PRLR: variants seen among roughly 807,000 people sequenced by gnomAD.
The protein encoded by PRLR is hPRL receptor.
In PRLR, 13 loss-of-function variants were observed where a neutral mutation model predicts 40.2. The ratio of observed to expected loss-of-function variants is 0.32; its 90% CI spans 0.21 to 0.51. PRLR has a LOEUF of 0.51. Among genes scored for constraint, PRLR ranks in the 20% least tolerant of loss-of-function variants. PRLR has a pLI of 0.97. For missense variants in PRLR, 656 were observed against 747.3 expected, an observed-to-expected ratio of 0.88 and a Z score of 1.42; for synonymous variants, 269 against 278.7, an observed-to-expected ratio of 0.97 and a Z score of 0.35.
intron 5 of PRLR, among the ~76,000 whole-genome samples, chr5:35,076,912 T>A (rs2112423420): frequency 6.6e-6 from 1 of 152,252 alleles, no homozygotes; most frequent in South Asian, 2.1e-4. Flanking sequence ...AAGAAAAGAA[T>A]TTTCAACCCA....
intron 2 of PRLR, among the ~76,000 whole-genome samples, chr5:35,097,311 C>A (rs1771592209): frequency 6.6e-6 from 1 of 152,146 alleles, no homozygotes; most frequent in Non-Finnish European, 1.5e-5. Flanking sequence ...CCACTGCATG[C>A]CAGGCACTGT....
chr5:35,128,488 A>G (rs1773544258), intron 1 of PRLR, among the ~76,000 whole-genome samples: 1 of 151,858 alleles, frequency 6.6e-6, no homozygotes, highest in Non-Finnish European at 1.5e-5. Flanking sequence ...ATATTGTTTT[A>G]CATTTTGTAT....
intron 8 of PRLR, among the ~76,000 whole-genome samples, chr5:35,049,774 A>AT (rs1389932273): frequency 6.6e-6 from 1 of 151,756 alleles, no homozygotes. Context: ...TTGACTAATT[A>AT]TTTTTTTCTT....
chr5:35,102,684 A>G (rs1771976370), intron 2 of PRLR, among the ~76,000 whole-genome samples: 1 of 152,052 alleles, frequency 6.6e-6, no homozygotes, highest in African/African-American at 2.4e-5. Context: ...CTGGGACTAC[A>G]GGCACACACT....
At position 35,064,885 on chromosome 5, in the gene PRLR, A is replaced by G. The variant is rs914005719; in HGVS notation, c.*204T>C. ...TTTTATAACTAACAGCAAAAAGTAA[A>G]TCTACAAATCACAGTTAGGAAACAT... is the stretch of plus-strand genomic sequence containing the variant. On this transcript the variant is annotated 3_prime_UTR_variant, in exon 10 of 10. Coordinates refer to ENST00000618457, the MANE Select transcript of PRLR (RefSeq NM_000949.7). 1.8e-5 allele frequency: 11 copies of G among 605,624 alleles called. No individual in the cohort carries two copies. The highest frequency in any genetic ancestry group is 2.8e-5 in the Non-Finnish European group (10 of 356,490). The allele number at this position is 605,624 out of a possible 1,614,324, so 37.5% of individuals were successfully genotyped here.
chr5:35,187,916 G>A (rs749291010), intron 1 of PRLR, among the ~76,000 whole-genome samples: 3 of 152,130 alleles, frequency 2.0e-5, no homozygotes, highest in Non-Finnish European at 4.4e-5. Flanking sequence ...GAGGTGAGTC[G>A]GTCAGCGGCA....
chr5:35,116,404 A>C (rs1194517775), intron 2 of PRLR, among the ~76,000 whole-genome samples: 2 of 152,220 alleles, frequency 1.3e-5, no homozygotes, highest in Non-Finnish European at 2.9e-5. Context: ...AGTGAAGTGG[A>C]GAATATGTCT....
At chr5:35,066,991 C>A (rs1454270343) in intron 9 of PRLR, among the ~76,000 whole-genome samples, 3 of 152,092 alleles carry the variant, frequency 2.0e-5, no homozygotes, top group Non-Finnish European at 2.9e-5. Context: ...TCTTGATCTC[C>A]TGACCTCGTG....
chr5:35,067,636 G>T (rs1769462791), intron 9 of PRLR, among the ~76,000 whole-genome samples: 1 of 152,146 alleles, frequency 6.6e-6, no homozygotes, highest in African/African-American at 2.4e-5. Flanking sequence ...ATTTCAATTT[G>T]GAGAAAAATT....
At chr5:35,125,303 G>A (rs568979409) in intron 1 of PRLR, among the ~76,000 whole-genome samples, 2 of 152,276 alleles carry the variant, frequency 1.3e-5, no homozygotes, top group South Asian at 4.1e-4. Context: ...GGATGAGGTG[G>A]CCACCAGCAG....
chr5:35,177,603 AT>A (rs1328663947), intron 1 of PRLR, among the ~76,000 whole-genome samples: 1 of 152,008 alleles, frequency 6.6e-6, no homozygotes, highest in Non-Finnish European at 1.5e-5. Context: ...TTACCATAAC[AT>A]TTTTGAGGTT....
At chr5:35,189,217 TCA>T (rs1395972413) in intron 1 of PRLR, among the ~76,000 whole-genome samples, 2 of 152,266 alleles carry the variant, frequency 1.3e-5, no homozygotes, top group East Asian at 3.9e-4. Context: ...AGATTCTTCC[TCA>T]CAGTACCAGA....
intron 1 of PRLR, among the ~76,000 whole-genome samples, chr5:35,209,523 C>T (rs1054053311): frequency 6.6e-6 from 1 of 152,094 alleles, no homozygotes; most frequent in Non-Finnish European, 1.5e-5. Flanking sequence ...GAGGATAAAC[C>T]AACTAGCTTT....
rs1198822680 is a variant in PRLR, at chr5:35,064,126, C to G, written c.*963G>C. The G allele has an allele frequency of 6.6e-6, 1 of 152,010 alleles. No individual in the cohort carries two copies. Among genetic ancestry groups the G allele is most frequent in the Non-Finnish European group, 1.5e-5 (1 of 68,004 alleles). The allele number at this position is 152,010 out of a possible 1,614,324, so 9.4% of individuals were successfully genotyped here. On this transcript the variant is annotated 3_prime_UTR_variant, in exon 10 of 10. Coordinates refer to ENST00000618457, the MANE Select transcript of PRLR (RefSeq NM_000949.7). Reference sequence around the variant, plus strand: ...CCCACTGAATACATAAACAGCTGTACTGGGAAAATAGAAAATAGTCTTTTA... The same window carrying G: ...CCCACTGAATACATAAACAGCTGTAGTGGGAAAATAGAAAATAGTCTTTTA...
At chr5:35,136,950 G>GAAAAAGGAAA (rs531685805) in intron 1 of PRLR, among the ~76,000 whole-genome samples, 227 of 119,942 alleles carry the variant, frequency 1.9e-3, no homozygotes, top group African/African-American at 6.5e-3. Context: ...GAAAGAAAAA[G>GAAAAAGGAAA]AAAAAAAAAA....
intron 5 of PRLR, among the ~76,000 whole-genome samples, chr5:35,074,941 A>G (rs1769980085): frequency 6.6e-6 from 1 of 152,072 alleles, no homozygotes; most frequent in Non-Finnish European, 1.5e-5. Context: ...CATTTTCTCC[A>G]TTCATTTATC....
chr5:35,135,139 A>G (rs1579716020), intron 1 of PRLR, among the ~76,000 whole-genome samples: 1 of 150,954 alleles, frequency 6.6e-6, no homozygotes, highest in Non-Finnish European at 1.5e-5. Context: ...TGAAATGAAG[A>G]CTTAGGAAAC....
chr5:35,131,606 T>A (rs898275247), intron 1 of PRLR, among the ~76,000 whole-genome samples: 4 of 152,202 alleles, frequency 2.6e-5, no homozygotes, highest in Non-Finnish European at 5.9e-5. Flanking sequence ...TGGCCCACAT[T>A]CCCTGGGACG....
chr5:35,095,539 G>T (rs983086533), intron 2 of PRLR, among the ~76,000 whole-genome samples: 1 of 152,210 alleles, frequency 6.6e-6, no homozygotes, highest in Admixed American at 6.5e-5. Flanking sequence ...GCCTGCAGGT[G>T]GGGAGATGAA....
Sources: allele counts gnomAD v4.1 joint callset (sites outside exome capture counted in the v4.1 genomes callset), GRCh38; gene constraint gnomAD v4.1.1; transcripts MANE v1.5; gene names NCBI Gene and HGNC (gene_info 2026-07-23, HGNC 2026-07-21).